Variants in SHANK2 observed in about 807,000 individuals in gnomAD.
SHANK2 encodes SH3 and multiple ankyrin repeat domains protein 2.
Under a neutral mutation model 133.7 loss-of-function variants are expected in SHANK2, and 43 were observed. That is an observed-to-expected ratio of 0.32 (90% CI 0.25 to 0.41). SHANK2 has a LOEUF of 0.41. Ranked by LOEUF, SHANK2 falls within the 10% of genes least tolerant of loss-of-function variation. The pLI is 1.00. For missense variants in SHANK2, 1,994 were observed against 2,235.8 expected (o/e 0.89, Z 2.18); for synonymous variants, 1,017 against 952.8 (o/e 1.07, Z -1.24).
intron 4 of SHANK2, among the ~76,000 whole-genome samples, chr11:71,116,795 T>C (rs1020921435): frequency 2.0e-5 from 3 of 152,108 alleles, no homozygotes; most frequent in Non-Finnish European, 4.4e-5. Context: ...TGGTAGTCAG[T>C]CAATTCTCGC....
intron 8 of SHANK2, among the ~76,000 whole-genome samples, chr11:71,083,392 G>A (rs1951327448): frequency 6.6e-6 from 1 of 152,176 alleles, no homozygotes; most frequent in Non-Finnish European, 1.5e-5. Context: ...TGCAGAAAAT[G>A]CCTCACGTAA....
At chr11:71,168,873 G>A (rs1953247821) in intron 2 of SHANK2, among the ~76,000 whole-genome samples, 2 of 152,130 alleles carry the variant, frequency 1.3e-5, no homozygotes, top group South Asian at 4.1e-4. Context: ...ACAGTGGCAG[G>A]TAGCATCTAG....
intron 10 of SHANK2, among the ~76,000 whole-genome samples, chr11:70,923,445 G>T (rs1016184424): frequency 1.3e-5 from 2 of 152,160 alleles, no homozygotes; most frequent in South Asian, 4.2e-4. Flanking sequence ...GTTTCACCAT[G>T]TTGCCAGGCT....
At chr11:71,203,564 C>T (rs1555117462) in intron 2 of SHANK2, among the ~76,000 whole-genome samples, 1 of 152,030 alleles carries the variant, frequency 6.6e-6, no homozygotes, top group Non-Finnish European at 1.5e-5. Flanking sequence ...GGCACCACTG[C>T]ACTCCAGGCA....
chr11:71,248,436 G>A (rs192803291), intron 1 of SHANK2, among the ~76,000 whole-genome samples: 51 of 152,314 alleles, frequency 3.3e-4, no homozygotes, highest in African/African-American at 6.0e-4. Context: ...ACCACCGGGC[G>A]GTGTGGGGTC....
At chr11:71,127,644 G>C (rs1481768731) in intron 3 of SHANK2, among the ~76,000 whole-genome samples, 1 of 152,120 alleles carries the variant, frequency 6.6e-6, no homozygotes, top group Non-Finnish European at 1.5e-5. Flanking sequence ...TTTTTAATTA[G>C]GGTATATACA....
intron 1 of SHANK2, among the ~76,000 whole-genome samples, chr11:71,228,454 T>C (rs1466912410): frequency 6.6e-6 from 1 of 152,102 alleles, no homozygotes; most frequent in African/African-American, 2.4e-5. Context: ...CCAGAGAAAA[T>C]GAGCACAAAA....
chr11:70,571,540 A>T (rs1398661940), intron 17 of SHANK2, among the ~76,000 whole-genome samples: 1 of 152,210 alleles, frequency 6.6e-6, no homozygotes, highest in Non-Finnish European at 1.5e-5. Context: ...CCACCCCAGC[A>T]ATAGCTGGCT....
intron 14 of SHANK2, among the ~76,000 whole-genome samples, chr11:70,750,929 C>G (rs1173271851): frequency 2.0e-5 from 3 of 152,130 alleles, no homozygotes; most frequent in Non-Finnish European, 4.4e-5. Context: ...CGGGTTTAAA[C>G]AAGACCCAGA....
chr11:70,507,992 T>C (rs2059156351), intron 17 of SHANK2, among the ~76,000 whole-genome samples: 1 of 152,216 alleles, frequency 6.6e-6, no homozygotes, highest in Non-Finnish European at 1.5e-5. Flanking sequence ...GCAACGCACA[T>C]TTGCTTTGCA....
chr11:71,148,218 G>A lies in SHANK2; in HGVS notation c.-12-880C>T, dbSNP rs367580152. ...TCCTGCCTCAGCCTCCCAAGTAGCTGGGATTGCAGGCATGCGCCACTACAC... is the reference window on the plus strand; with the variant it reads ...TCCTGCCTCAGCCTCCCAAGTAGCTAGGATTGCAGGCATGCGCCACTACAC... On this transcript the variant is annotated intron_variant, in intron 2 of 25. Transcript: ENST00000601538. Among the ~76,000 whole-genome samples the A allele has an allele frequency of 9.3e-4, 141 of 152,202 alleles. 1 individual carries two copies. Among genetic ancestry groups the A allele is most frequent in the African/African-American group, 3.1e-3 (130 of 41,528 alleles).
chr11:70,533,576 G>A (rs2059506244), intron 17 of SHANK2, among the ~76,000 whole-genome samples: 1 of 152,188 alleles, frequency 6.6e-6, no homozygotes, highest in Non-Finnish European at 1.5e-5. Flanking sequence ...CAGCCATGCT[G>A]GGTGCCCCTC....
chr11:70,539,963 G>A (rs1169435606), intron 17 of SHANK2, among the ~76,000 whole-genome samples: 1 of 152,122 alleles, frequency 6.6e-6, no homozygotes, highest in Non-Finnish European at 1.5e-5. Context: ...TGGCTTGGAG[G>A]AGCATCACCC....
chr11:71,083,979 T>A (rs933526172), intron 8 of SHANK2, among the ~76,000 whole-genome samples: 1,928 of 147,802 alleles, frequency 0.013, 23 homozygotes, highest in Non-Finnish European at 0.02. Context: ...AACTTTTTTT[T>A]GGGGGGGGGA....
intron 11 of SHANK2, among the ~76,000 whole-genome samples, chr11:70,857,230 G>A (rs547998914): frequency 1.4e-4 from 21 of 152,304 alleles, no homozygotes; most frequent in African/African-American, 5.1e-4. Context: ...AAGTAAGCGG[G>A]CCTCAGCTCC....
chr11:71,145,448 T>G (rs1473128323), intron 3 of SHANK2, among the ~76,000 whole-genome samples: 1 of 152,238 alleles, frequency 6.6e-6, no homozygotes, highest in Non-Finnish European at 1.5e-5. Context: ...GTGAAGCCAC[T>G]TGGCTGAGTT....
At position 71,080,748 on chromosome 11, in the gene SHANK2, C is replaced by A. The variant is rs983390000; in HGVS notation, c.913-5473G>T. 3.3e-5 allele frequency among the ~76,000 whole-genome samples: 5 copies of A among 152,332 alleles called. 1 individual carries two copies. In the East Asian group the frequency reaches 9.7e-4, roughly 29 times the overall value. On this transcript the variant is annotated intron_variant, in intron 8 of 25. Coordinates refer to ENST00000601538, the MANE Select transcript of SHANK2 (RefSeq NM_012309.5). ...CTGCCCGTCAGTAGAGAAACAACGT[C>A]TCGTCCAAACACAAGCAAATCCCCC... is the stretch of plus-strand genomic sequence containing the variant.
intron 9 of SHANK2, among the ~76,000 whole-genome samples, chr11:71,070,266 A>T (rs1255271588): frequency 1.3e-5 from 2 of 152,144 alleles, no homozygotes; most frequent in African/African-American, 4.8e-5. Flanking sequence ...GACACCCTAG[A>T]ACCCTAAGGA....
Position 70,612,400 on chromosome 11 carries a change from G to A in SHANK2, c.2061+47428C>T, listed in dbSNP as rs117046005. 3.6e-4 allele frequency among the ~76,000 whole-genome samples: 55 copies of A among 152,276 alleles called. No individual in the cohort carries two copies. In the East Asian group the frequency reaches 0.01, roughly 28 times the overall value. On this transcript the variant is annotated intron_variant, in intron 17 of 25. Coordinates refer to ENST00000601538, the MANE Select transcript of SHANK2 (RefSeq NM_012309.5). Reference sequence around the variant, plus strand: ...TCTCTCGCCAGGTACAGCTGCAGGCGAAGGCATGAAAGGTTGGGTTTCTCT... The same window carrying A: ...TCTCTCGCCAGGTACAGCTGCAGGCAAAGGCATGAAAGGTTGGGTTTCTCT...
Sources: allele counts gnomAD v4.1 joint callset (sites outside exome capture counted in the v4.1 genomes callset), GRCh38; gene constraint gnomAD v4.1.1; transcripts MANE v1.5; gene names NCBI Gene and HGNC (gene_info 2026-07-23, HGNC 2026-07-21).